Variants in ADCY5 observed in about 807,000 individuals in gnomAD.
ADCY5 encodes the protein adenylate cyclase type 5.
In ADCY5, 30 loss-of-function variants were observed where a neutral mutation model predicts 119.7. That is an observed-to-expected ratio of 0.25 (90% confidence interval 0.19 to 0.34). The LOEUF (loss-of-function observed/expected upper bound fraction) is 0.34. Among genes scored for constraint, ADCY5 ranks in the 10% least tolerant of loss-of-function variants. The pLI, the probability that ADCY5 is intolerant of heterozygous loss-of-function variation, is 1.00. For missense variants in ADCY5, 1,324 were observed against 1,775.2 expected, an observed-to-expected ratio of 0.75 and a Z score of 4.57; for synonymous variants, 753 against 762.2, an observed-to-expected ratio of 0.99 and a Z score of 0.20.
chr3:123,392,981 A>C (rs1944439735), intron 1 of ADCY5, among the ~76,000 whole-genome samples: 1 of 152,160 alleles, frequency 6.6e-6, no homozygotes, highest in African/African-American at 2.4e-5. Flanking sequence ...AGTGACTCTA[A>C]ATGCACTGAG....
intron 1 of ADCY5, among the ~76,000 whole-genome samples, chr3:123,379,661 T>A (rs187586508): frequency 1.3e-5 from 2 of 150,590 alleles, no homozygotes; most frequent in Admixed American, 1.3e-4. Flanking sequence ...AGAGGCTCTG[T>A]GACTGCACAG....
At chr3:123,338,907 C>T (rs963003174) in intron 3 of ADCY5, among the ~76,000 whole-genome samples, 1 of 152,124 alleles carries the variant, frequency 6.6e-6, no homozygotes, top group Non-Finnish European at 1.5e-5. Context: ...CTCCTGTGCA[C>T]ATCCTGCAGC....
intron 2 of ADCY5, among the ~76,000 whole-genome samples, chr3:123,351,727 A>G (rs138703071): frequency 1.4e-3 from 206 of 152,284 alleles, no homozygotes; most frequent in Non-Finnish European, 2.1e-3. Context: ...CAGACCTGGA[A>G]TCCAAACAGG....
chr3:123,396,895 C>T (rs369324383), intron 1 of ADCY5, among the ~76,000 whole-genome samples: 28 of 151,708 alleles, frequency 1.8e-4, no homozygotes, highest in African/African-American at 6.5e-4. Flanking sequence ...CTTTCTGTAG[C>T]ACACAGGGGC....
At chr3:123,303,897 A>AGAAGAG (rs144372832) in intron 13 of ADCY5, among the ~76,000 whole-genome samples, 170 bp downstream of exon 13, 78 of 147,344 alleles carry the variant, frequency 5.3e-4, no homozygotes, top group African/African-American at 1.8e-3. Flanking sequence ...AGAAGAGAAG[A>AGAAGAG]AAGAACTTGT....
At chr3:123,436,402 C>A (rs184403259) in intron 1 of ADCY5, among the ~76,000 whole-genome samples, 42 of 151,398 alleles carry the variant, frequency 2.8e-4, no homozygotes, top group African/African-American at 9.3e-4. Flanking sequence ...AGTAATTTGT[C>A]TTTTAAAAAA....
At chr3:123,405,169 G>A (rs975071943) in intron 1 of ADCY5, among the ~76,000 whole-genome samples, 30 of 152,326 alleles carry the variant, frequency 2.0e-4, no homozygotes, top group Middle Eastern at 3.4e-3. Flanking sequence ...AGCGAAGGCC[G>A]GCGAGGCCAA....
chr3:123,382,506 G>C (rs1559850868), intron 1 of ADCY5, among the ~76,000 whole-genome samples: 1 of 152,196 alleles, frequency 6.6e-6, no homozygotes, highest in Non-Finnish European at 1.5e-5. Flanking sequence ...ACAGCCAAAA[G>C]ATGGAAACTA....
chr3:123,344,599 A>G (rs1482308986), intron 3 of ADCY5, among the ~76,000 whole-genome samples: 1 of 152,184 alleles, frequency 6.6e-6, no homozygotes, highest in Non-Finnish European at 1.5e-5. Context: ...ACAGCAGAGT[A>G]GGGGCAATGT....
rs547887822 is a variant in ADCY5 at position 123,282,649 on chromosome 3, CG to C, written c.*1958del. The C allele has an allele frequency of 3.1e-3, 468 of 152,526 alleles. 2 individuals are homozygous for C. The highest frequency in any genetic ancestry group is 4.9e-3 in the Non-Finnish European group (333 of 68,136). 9.4% of individuals were successfully genotyped at this position (152,526 alleles called of 1,614,324 possible). ...AAGAAAGCAGGCCTCCTGTGGCCGA[CG>C]TCAGGATGGCAATGCAGAACTCAAA... is the stretch of plus-strand genomic sequence containing the variant. On this transcript the variant is annotated 3_prime_UTR_variant, in exon 21 of 21. Coordinates refer to ENST00000462833, the MANE Select transcript of ADCY5 (RefSeq NM_183357.3).
At chr3:123,445,607 T>C (rs903413517) in intron 1 of ADCY5, among the ~76,000 whole-genome samples, 2 of 152,200 alleles carry the variant, frequency 1.3e-5, no homozygotes, top group African/African-American at 4.8e-5. Flanking sequence ...TTATAAGCAC[T>C]AACAATGGTA....
In ADCY5 at chr3:123,447,442, G is replaced by A; in HGVS notation, c.1104C>T (p.Thr368=). 1 of 1,601,614 alleles carries A rather than the reference G, an allele frequency of 6.2e-7. No individual in the cohort carries two copies. Among genetic ancestry groups the A allele is most frequent in the South Asian group, 1.1e-5 (1 of 89,536 alleles). ...SALHLAIALR[T]NAQDQFLLKQ... is the part of the protein sequence containing the mutation. ...TCAGCAGGAACTGGTCCTGGGCGTT[G>A]GTGCGCAGGGCGATGGCCAGGTGGA... The change falls in exon 1 of 21, where the codon ACC becomes ACT. Residue 368 remains threonine, a synonymous_variant. Coordinates refer to ENST00000462833, the MANE Select transcript of ADCY5 (RefSeq NM_183357.3).
At chr3:123,359,234 G>A (rs1249160114) in intron 1 of ADCY5, among the ~76,000 whole-genome samples, 19 of 150,484 alleles carry the variant, frequency 1.3e-4, no homozygotes, top group Admixed American at 6.7e-5. Context: ...GGGGGAGGGA[G>A]CAGGATGTTC....
Position 123,325,450 on chromosome 3 carries a change from C to T in ADCY5, c.1960G>A (p.Ala654Thr), listed in dbSNP as rs774526640. The T allele has an allele frequency of 1.2e-6, 2 of 1,614,074 alleles. No homozygotes were observed. The highest frequency in any genetic ancestry group is 1.7e-6 in the Non-Finnish European group (2 of 1,180,020). Residue 654 changes from alanine to threonine, a missense_variant, in exon 8 of 21, where the codon GCC (alanine) becomes ACC (threonine). Transcript: ENST00000462833. ...TGGCGGTTCATCTTGGCGATCATGG[C>T]CTTCTCTTCTTTCTGGAAGACGAAC... ...RCTQKRKEEK[A>T]MIAKMNRQRT...
chr3:123,358,045 G>A (rs771255005), intron 1 of ADCY5, among the ~76,000 whole-genome samples: 5 of 152,150 alleles, frequency 3.3e-5, no homozygotes, highest in Non-Finnish European at 7.3e-5. Flanking sequence ...AATAATAACA[G>A]ATATCAGTCA....
intron 1 of ADCY5, chr3:123,404,236 G>C (rs1313780502): frequency 6.6e-6 from 1 of 152,210 alleles, no homozygotes; most frequent in Non-Finnish European, 1.5e-5. Flanking sequence ...TTCAAATGCA[G>C]ACCAAAAGGC....
rs531282600 is a variant in ADCY5 at position 123,398,720 on chromosome 3, C to G, written c.1135-46139G>C. Among the ~76,000 whole-genome samples, 47 of 152,298 alleles carry G rather than the reference C, an allele frequency of 3.1e-4. 1 individual carries two copies. Among genetic ancestry groups the G allele is most frequent in the African/African-American group, 1.1e-3 (46 of 41,568 alleles). On this transcript the variant is annotated intron_variant, in intron 1 of 20. Transcript: ENST00000462833. ...CCTTTCTGTCCCAATTTTCCTGTCCCTGCCGTTTTCTTTGCCCATGCCATT... is the reference window on the plus strand; with the variant it reads ...CCTTTCTGTCCCAATTTTCCTGTCCGTGCCGTTTTCTTTGCCCATGCCATT...
intron 12 of ADCY5, among the ~76,000 whole-genome samples, chr3:123,310,679 G>A (rs770718936): frequency 5.9e-5 from 9 of 152,202 alleles, no homozygotes; most frequent in South Asian, 2.1e-4. Context: ...GGTTGGGTTC[G>A]TGCAGATGTG....
At chr3:123,422,831 G>T (rs993974600) in intron 1 of ADCY5, among the ~76,000 whole-genome samples, 1 of 152,240 alleles carries the variant, frequency 6.6e-6, no homozygotes, top group African/African-American at 2.4e-5. Flanking sequence ...GCCATTTCAG[G>T]GGAGGGGGCA....
Sources: allele counts gnomAD v4.1 joint callset (sites outside exome capture counted in the v4.1 genomes callset), GRCh38; gene constraint gnomAD v4.1.1; transcripts MANE v1.5; gene names NCBI Gene and HGNC (gene_info 2026-07-23, HGNC 2026-07-21).